The following TMTC3 variants were observed in gnomAD, a reference collection of about 807,000 sequenced individuals.
The protein encoded by TMTC3 is protein O-mannosyl-transferase TMTC3.
Under a neutral mutation model 92.2 loss-of-function variants are expected in TMTC3, and 52 were observed. That is an observed-to-expected ratio of 0.56 (90% CI 0.45 to 0.71). The LOEUF (loss-of-function observed/expected upper bound fraction) is 0.71, where lower values mean the gene tolerates loss of function less well. Among genes scored for constraint, TMTC3 ranks in the 30% least tolerant of loss-of-function variants. The probability of loss-of-function intolerance (pLI) is 0.00; values close to 1 mark genes in which losing one functional copy is unlikely to be tolerated. For synonymous variants in TMTC3, 339 were observed against 363.3 expected (o/e 0.93, Z 0.76); for missense variants, 896 against 1,057.1 (o/e 0.85, Z 2.11).
At position 88,195,743 on chromosome 12, in the gene TMTC3, C is replaced by T. The variant is rs1160835445; in HGVS notation, c.*94C>T. The T allele has an allele frequency of 9.6e-7, 1 of 1,041,482 alleles. No individual in the cohort carries two copies. The highest frequency in any genetic ancestry group is 2.5e-5 in the East Asian group (1 of 39,418). The allele number at this position is 1,041,482 out of a possible 1,614,324, so 64.5% of individuals were successfully genotyped here. A position where few individuals can be genotyped will look rare whatever the true frequency, so the allele number is the denominator to read the frequency against. On this transcript the variant is annotated 3_prime_UTR_variant, in exon 14 of 14. Transcript: ENST00000266712. ...AGCTTTGAAAAAAAGTTCAAGGGTT[C>T]CTAATGGTCAATCATGAGCTGCCTT... is the stretch of plus-strand genomic sequence containing the variant.
chr12:88,176,742 C>T (rs1216642693), intron 10 of TMTC3, among the ~76,000 whole-genome samples: 1 of 152,100 alleles, frequency 6.6e-6, no homozygotes, highest in African/African-American at 2.4e-5. Context: ...ATGATTATAC[C>T]ACTGTACTCC....
intron 13 of TMTC3, 135 bp from the exon 14 acceptor site, chr12:88,194,703 T>C (rs1197293391): frequency 5.0e-6 from 3 of 600,166 alleles, no homozygotes; most frequent in Non-Finnish European, 5.0e-6. Context: ...GATTTTTGCT[T>C]TCTACTTTTT....
rs1334658414 is a variant in TMTC3, at chr12:88,195,395, A to G, written c.2491A>G (p.Ser831Gly). 2 of 1,613,918 alleles carry G rather than the reference A, an allele frequency of 1.2e-6. No individual in the cohort carries two copies. Among genetic ancestry groups the G allele is most frequent in the East Asian group, 2.2e-5 (1 of 44,828 alleles). The change falls in exon 14 of 14, where the codon AGT becomes GGT. Residue 831 changes from serine to glycine, a missense_variant. Ser to Gly is a moderately conservative substitution (Grantham distance 56). Transcript: ENST00000266712. ...TTTTATAGAGCCAATATTCCCAACC[A>G]GTAAGATTTCAAGTGTGGAAGGAAA... ...SSFIEPIFPT[S>G]KISSVEGKKI...
chr12:88,162,533 G>A (rs986708580), intron 6 of TMTC3, among the ~76,000 whole-genome samples: 2 of 151,930 alleles, frequency 1.3e-5, no homozygotes, highest in African/African-American at 2.4e-5. Context: ...GCTATATCAA[G>A]TTCACTAATC....
intron 2 of TMTC3, among the ~76,000 whole-genome samples, chr12:88,151,442 C>G (rs769853303): frequency 1.3e-5 from 2 of 151,912 alleles, no homozygotes; most frequent in African/African-American, 2.4e-5. Flanking sequence ...TTAATATGCC[C>G]GAAAGTAATA....
At chr12:88,152,233 A>G (rs2040951540) in intron 2 of TMTC3, among the ~76,000 whole-genome samples, 1 of 152,206 alleles carries the variant, frequency 6.6e-6, no homozygotes, top group Non-Finnish European at 1.5e-5. Flanking sequence ...TGAGGCCTTG[A>G]AAGTTTTACT....
In TMTC3 at chr12:88,192,591, G is replaced by T; in HGVS notation, c.1707-13G>T. On this transcript the variant is annotated splice_polypyrimidine_tract_variant and intron_variant, in intron 12 of 13. Coordinates refer to ENST00000266712, the MANE Select transcript of TMTC3 (RefSeq NM_181783.4). Reference sequence around the variant, plus strand: ...AATGTTGTAAGTAAAGCTTGTGTTTGATTTTTCCACAGAGGAGAATTGCTT... The same window carrying T: ...AATGTTGTAAGTAAAGCTTGTGTTTTATTTTTCCACAGAGGAGAATTGCTT... The T allele has an allele frequency of 6.3e-7, 1 of 1,583,578 alleles. No homozygotes were observed. The highest frequency in any genetic ancestry group is 1.1e-5 in the South Asian group (1 of 89,256).
chr12:88,163,309 A>G (rs1565947883), intron 6 of TMTC3, among the ~76,000 whole-genome samples: 2 of 152,116 alleles, frequency 1.3e-5, no homozygotes, highest in South Asian at 4.1e-4. Context: ...CTTTTTGACT[A>G]TTGGATGTGA....
At chr12:88,189,384 G>T (rs754369541) in intron 11 of TMTC3, among the ~76,000 whole-genome samples, 4 of 152,008 alleles carry the variant, frequency 2.6e-5, no homozygotes, top group Non-Finnish European at 4.4e-5. Flanking sequence ...GAGCCACTGC[G>T]CCCGGCCGTA....
intron 8 of TMTC3, chr12:88,173,121 G>A: frequency 1.7e-6 from 2 of 1,203,754 alleles, no homozygotes; most frequent in Non-Finnish European, 2.1e-6. Context: ...TATATAAAAT[G>A]CATATAGTAA....
At chr12:88,193,887 G>GT (rs948909344) in intron 13 of TMTC3, among the ~76,000 whole-genome samples, 11 of 151,728 alleles carry the variant, frequency 7.2e-5, no homozygotes, top group South Asian at 2.1e-4. Flanking sequence ...GAACTTTTTT[G>GT]TTTTTTTGGC....
At position 88,173,111 on chromosome 12, in the gene TMTC3, T is replaced by G. The variant is rs572097048; in HGVS notation, c.1199+366T>G. On this transcript the variant is annotated intron_variant, in intron 8 of 13. Coordinates refer to ENST00000266712, the MANE Select transcript of TMTC3 (RefSeq NM_181783.4). ...TTAAGTGAGTCATATTGAGTTAATA[T>G]ATATAAAATGCATATAGTAAGCAAT... is the stretch of plus-strand genomic sequence containing the variant. 29 of 1,236,162 alleles carry G rather than the reference T, an allele frequency of 2.3e-5. No individual in the cohort carries two copies. In the African/African-American group the frequency reaches 3.0e-4, roughly 13 times the overall value. The allele number at this position is 1,236,162 out of a possible 1,614,324, so 76.6% of individuals were successfully genotyped here.
At chr12:88,155,555 C>A (rs2040997554) in intron 4 of TMTC3, among the ~76,000 whole-genome samples, 1 of 152,190 alleles carries the variant, frequency 6.6e-6, no homozygotes, top group Admixed American at 6.5e-5. Context: ...TGTTCCCAAA[C>A]AGGCAGAGCA....
At chr12:88,177,098 G>A (rs1284698633) in intron 10 of TMTC3, among the ~76,000 whole-genome samples, 1 of 152,030 alleles carries the variant, frequency 6.6e-6, no homozygotes, top group Admixed American at 6.6e-5. Flanking sequence ...GGCCAAGGTG[G>A]GCAGATCACT....
intron 8 of TMTC3, among the ~76,000 whole-genome samples, 161 bp from the exon 9 acceptor site, chr12:88,174,446 T>G (rs1018587702): frequency 6.6e-6 from 1 of 152,104 alleles, no homozygotes; most frequent in Non-Finnish European, 1.5e-5. Context: ...TTTTTTGGTG[T>G]TGTATCCTCT....
chr12:88,166,694 A>G (rs1463220555), intron 7 of TMTC3, 112 bp downstream of exon 7: 15 of 1,177,796 alleles, frequency 1.3e-5, no homozygotes, highest in South Asian at 1.0e-4. Context: ...TCTTTGTTCA[A>G]CGGCATCCCA....
At chr12:88,162,201 T>C (rs996034551) in intron 6 of TMTC3, among the ~76,000 whole-genome samples, 1 of 152,188 alleles carries the variant, frequency 6.6e-6, no homozygotes, top group African/African-American at 2.4e-5. Flanking sequence ...GGAAAACCTC[T>C]ATCATCCTTA....
Position 88,154,406 on chromosome 12 carries a change from A to AT in TMTC3, c.508+28dup, listed in dbSNP as rs751823665. ...TCCATAAGTACATGTCTCACATTTG[A>AT]TTTTTTTTTAATAGTGCTAAAACTT... On this transcript the variant is annotated intron_variant, in intron 4 of 13. Coordinates refer to ENST00000266712, the MANE Select transcript of TMTC3 (RefSeq NM_181783.4). The AT allele has an allele frequency of 2.0e-4, 312 of 1,530,684 alleles. No homozygotes were observed. Among genetic ancestry groups the AT allele is most frequent in the South Asian group, 2.6e-4 (21 of 80,244 alleles). The allele number at this position is 1,530,684 out of a possible 1,614,324, so 94.8% of individuals were successfully genotyped here. A position where few individuals can be genotyped will look rare whatever the true frequency, so the allele number is the denominator to read the frequency against.
chr12:88,178,495 A>G (rs1258962655), intron 10 of TMTC3, among the ~76,000 whole-genome samples: 2 of 151,970 alleles, frequency 1.3e-5, no homozygotes, highest in African/African-American at 4.8e-5. Context: ...CTTCCTCTGT[A>G]TCTTTCCTAT....
Sources: allele counts gnomAD v4.1 joint callset (sites outside exome capture counted in the v4.1 genomes callset), GRCh38; gene constraint gnomAD v4.1.1; transcripts MANE v1.5; gene names NCBI Gene and HGNC (gene_info 2026-07-23, HGNC 2026-07-21).